The following JMY variants were observed in gnomAD, a reference collection of about 807,000 sequenced individuals.
JMY encodes junction mediating and regulatory protein, p53 cofactor, also known as junction-mediating and -regulatory protein.
A neutral mutation model predicts 103.3 loss-of-function variants in JMY; 46 were observed. The ratio of observed to expected loss-of-function variants is 0.45; its 90% CI spans 0.35 to 0.57. JMY has a LOEUF of 0.57. Ranked by LOEUF, JMY falls within the 20% of genes least tolerant of loss-of-function variation. The pLI, the probability that JMY is intolerant of heterozygous loss-of-function variation, is 0.00. For missense variants in JMY, 1,238 were observed against 1,255.2 expected (o/e 0.99, Z 0.21); for synonymous variants, 526 against 489.3 (o/e 1.07, Z -0.99).
rs768513923 is a variant in JMY at position 79,314,540 on chromosome 5, CTATATCTCTTCCACT to C, written c.2350_2364del (p.Ile784_Leu788del). The stretch of plus-strand genomic sequence containing the variant: ...GGTGTTACCTCTGAACTGCCTCCCA[CTATATCTCTTCCACT>C]TTTGAATAACAACCTCGAACCATGT... On this transcript the variant is annotated inframe_deletion, in exon 9 of 11. Transcript: ENST00000396137. The C allele has an allele frequency of 1.9e-6, 3 of 1,614,160 alleles. No individual in the cohort carries two copies. Among genetic ancestry groups the C allele is most frequent in the Non-Finnish European group, 2.5e-6 (3 of 1,180,016 alleles).
intron 1 of JMY, among the ~76,000 whole-genome samples, chr5:79,258,617 G>A (rs1745328391): frequency 1.3e-5 from 2 of 152,090 alleles, no homozygotes; most frequent in Admixed American, 1.3e-4. Flanking sequence ...GGTGGGGCGG[G>A]CAGCTCCAGG....
chr5:79,306,465 A>G lies in JMY; in HGVS notation c.1968+4A>G, dbSNP rs202016337. On this transcript the variant is annotated splice_donor_region_variant and intron_variant, in intron 7 of 10. Coordinates refer to ENST00000396137, the MANE Select transcript of JMY (RefSeq NM_152405.5). ...AACCCATCACACAGTACAACTAGTAAGTTTGGATTCGAAGATTTTGAACAA... is the reference window on the plus strand; with the variant it reads ...AACCCATCACACAGTACAACTAGTAGGTTTGGATTCGAAGATTTTGAACAA... 170 of 1,596,122 alleles carry G rather than the reference A, an allele frequency of 1.1e-4. No individual in the cohort carries two copies. The African/African-American group carries it at 2.0e-3, about 19-fold the overall frequency.
chr5:79,237,297 C>G lies in JMY; in HGVS notation c.647C>G (p.Pro216Arg). 1 of 1,559,446 alleles carries G rather than the reference C, an allele frequency of 6.4e-7. No homozygotes were observed. Residue 216 changes from proline (P) to arginine (R), a missense_variant, in exon 1 of 11, where the codon CCC (proline) becomes CGC (arginine). Physicochemically the swap from Pro to Arg is moderately radical, Grantham distance 103. Coordinates refer to ENST00000396137, the MANE Select transcript of JMY (RefSeq NM_152405.5). The stretch of plus-strand genomic sequence containing the variant: ...CTCTCGGACGCGGAGCAGCCGCCGC[C>G]CGCCACCGAGCTGGAGTCTCCGGCC... ...LALSDAEQPP[P>R]ATELESPAEE...
At chr5:79,264,036 C>T (rs574328528) in intron 1 of JMY, among the ~76,000 whole-genome samples, 7 of 152,094 alleles carry the variant, frequency 4.6e-5, no homozygotes, top group Non-Finnish European at 7.3e-5. Context: ...ATCTGCCTGC[C>T]TCAGCCTCCC....
At chr5:79,267,110 T>C (rs975418644) in intron 1 of JMY, among the ~76,000 whole-genome samples, 2 of 152,336 alleles carry the variant, frequency 1.3e-5, no homozygotes. Flanking sequence ...GTCTTCCCTA[T>C]TATTAACATT....
chr5:79,245,399 A>G (rs752068863), intron 1 of JMY, among the ~76,000 whole-genome samples: 1 of 152,048 alleles, frequency 6.6e-6, no homozygotes, highest in Non-Finnish European at 1.5e-5. Flanking sequence ...GCATCCCACT[A>G]CACTGTCTTG....
intron 1 of JMY, among the ~76,000 whole-genome samples, chr5:79,277,467 A>T (rs1745973593): frequency 6.6e-6 from 1 of 151,446 alleles, no homozygotes; most frequent in South Asian, 2.1e-4. Context: ...TCTCTACAAA[A>T]AAAAAAAAAT....
chr5:79,316,291 C>T lies in JMY; in HGVS notation c.2951C>T (p.Thr984Ile). ...GACGAAGAGGAGGCTTTACCTTGCACAGACTGGGAGAACTAACAAGTAAAC... is the reference window on the plus strand; with the variant it reads ...GACGAAGAGGAGGCTTTACCTTGCATAGACTGGGAGAACTAACAAGTAAAC... ...SEDEEEALPC[T>I]DWEN Residue 984 changes from threonine (T) to isoleucine (I), a missense_variant, in exon 10 of 11, where the codon ACA (threonine) becomes ATA (isoleucine). Coordinates refer to ENST00000396137, the MANE Select transcript of JMY (RefSeq NM_152405.5). 1 of 1,610,472 alleles carries T rather than the reference C, an allele frequency of 6.2e-7. No homozygotes were observed. The highest frequency in any genetic ancestry group is 1.3e-5 in the African/African-American group (1 of 74,938).
chr5:79,291,175 C>T lies in JMY; in HGVS notation c.1403C>T (p.Ala468Val). The T allele has an allele frequency of 6.2e-7, 1 of 1,611,676 alleles. No homozygotes were observed. The highest frequency in any genetic ancestry group is 8.5e-7 in the Non-Finnish European group (1 of 1,179,242). Residue 468 changes from alanine (A) to valine (V), a missense_variant, in exon 4 of 11, where the codon GCA becomes GTA. Ala to Val is a moderately conservative substitution (Grantham distance 64). Transcript: ENST00000396137. ...MRADQKKFGK[A>V]SWAAAAERME... ...GCTGATCAGAAGAAATTTGGTAAAG[C>T]ATCATGGGCAGCGGCTGCTGAACGG...
At chr5:79,265,705 A>G (rs954284894) in intron 1 of JMY, among the ~76,000 whole-genome samples, 7 of 151,000 alleles carry the variant, frequency 4.6e-5, no homozygotes, top group African/African-American at 1.5e-4. Flanking sequence ...ACTCCCTCCT[A>G]TGAACTTTCT....
At chr5:79,308,035 C>T (rs973392855) in intron 7 of JMY, among the ~76,000 whole-genome samples, 4 of 152,130 alleles carry the variant, frequency 2.6e-5, no homozygotes, top group Non-Finnish European at 5.9e-5. Flanking sequence ...CCGTGCCTAG[C>T]CTTTTTGCTC....
chr5:79,324,618 A>G lies in JMY; in HGVS notation c.*3016A>G, dbSNP rs1336885166. The stretch of plus-strand genomic sequence containing the variant: ...GGAAAGGTATTTTTAATTATTTAAA[A>G]TCATTGTGTATATTACAGCAGTATG... On this transcript the variant is annotated 3_prime_UTR_variant, in exon 11 of 11. Transcript: ENST00000396137. 1 of 152,246 alleles carries G rather than the reference A, an allele frequency of 6.6e-6. No individual in the cohort carries two copies. The highest frequency in any genetic ancestry group is 1.5e-5 in the Non-Finnish European group (1 of 68,038). 9.4% of individuals were successfully genotyped at this position (152,246 alleles called of 1,614,324 possible). A position where few individuals can be genotyped will look rare whatever the true frequency, so the allele number is the denominator to read the frequency against.
At chr5:79,264,400 T>A (rs1308954482) in intron 1 of JMY, among the ~76,000 whole-genome samples, 1 of 151,758 alleles carries the variant, frequency 6.6e-6, no homozygotes, top group South Asian at 2.1e-4. Context: ...ATTTTTAATT[T>A]TTTTTTTTTG....
intron 1 of JMY, among the ~76,000 whole-genome samples, chr5:79,274,503 G>T (rs1436861004): frequency 6.6e-6 from 1 of 151,972 alleles, no homozygotes; most frequent in Non-Finnish European, 1.5e-5. Flanking sequence ...TGCCTCCTGG[G>T]TTCAAGTGAT....
intron 1 of JMY, among the ~76,000 whole-genome samples, chr5:79,239,886 T>C (rs1744680794): frequency 6.6e-6 from 1 of 151,686 alleles, no homozygotes; most frequent in African/African-American, 2.4e-5. Flanking sequence ...GGGTCAAAAA[T>C]AAGCTCTCAA....
Position 79,291,176 on chromosome 5 carries a change from A to C in JMY, c.1404A>C (p.Ala468=). ...CTGATCAGAAGAAATTTGGTAAAGC[A>C]TCATGGGCAGCGGCTGCTGAACGGA... ...MRADQKKFGK[A]SWAAAAERME... The change falls in exon 4 of 11, where the codon GCA becomes GCC. Residue 468 remains alanine (A), a synonymous_variant. Coordinates refer to ENST00000396137, the MANE Select transcript of JMY (RefSeq NM_152405.5). 2 of 1,612,544 alleles carry C rather than the reference A, an allele frequency of 1.2e-6. No homozygotes were observed. Among genetic ancestry groups the C allele is most frequent in the Non-Finnish European group, 1.7e-6 (2 of 1,179,486 alleles).
chr5:79,314,330 G>C lies in JMY; in HGVS notation c.2138G>C (p.Ser713Thr), dbSNP rs1159587040. Residue 713 changes from serine (S) to threonine (T), a missense_variant, in exon 9 of 11, where the codon AGT becomes ACT. Physicochemically the swap from Ser to Thr is moderately conservative, Grantham distance 58 (BLOSUM62 1). Coordinates refer to ENST00000396137, the MANE Select transcript of JMY (RefSeq NM_152405.5). ...LAHARRKGAA[S>T]PVLQEDHCDS... is the part of the protein sequence containing the mutation. The stretch of plus-strand genomic sequence containing the variant: ...CATGCAAGAAGAAAAGGTGCAGCAA[G>C]TCCTGTTCTCCAAGAGGATCATTGT... 6.2e-7 allele frequency: 1 copy of C among 1,614,210 alleles called. No individual in the cohort carries two copies.
Position 79,288,151 on chromosome 5 carries a change from G to A in JMY, c.1207-1970G>A, listed in dbSNP as rs921867923. Among the ~76,000 whole-genome samples the A allele has an allele frequency of 2.0e-5, 3 of 152,096 alleles. 1 individual carries two copies. The highest frequency in any genetic ancestry group is 4.4e-5 in the Non-Finnish European group (3 of 68,012). On this transcript the variant is annotated intron_variant, in intron 2 of 10. Transcript: ENST00000396137. ...TGGTTTCCTGTCAAATTAAATACAC[G>A]GTCCTTAGCCTGACATTTTAAATGT...
intron 2 of JMY, among the ~76,000 whole-genome samples, chr5:79,280,812 G>C (rs1178921896): frequency 1.3e-5 from 2 of 150,978 alleles, no homozygotes; most frequent in Non-Finnish European, 2.9e-5. Flanking sequence ...GTAAGTGGTA[G>C]AACTGATACA....
Sources: gnomAD v4.1 joint callset for allele counts (sites outside exome capture counted in the v4.1 genomes callset) on GRCh38, gnomAD v4.1.1 for gene constraint, MANE v1.5 for transcripts, NCBI Gene and HGNC (gene_info 2026-07-23, HGNC 2026-07-21) for gene names.